FAM186A: variants seen among roughly 807,000 people sequenced by gnomAD.
FAM186A encodes the protein family with sequence similarity 186 member A.
In FAM186A, 163 loss-of-function variants were observed where a neutral mutation model predicts 216.8. That is an observed-to-expected ratio of 0.75 (90% CI 0.66 to 0.86). The LOEUF (loss-of-function observed/expected upper bound fraction) is 0.86, where lower values mean the gene tolerates loss of function less well. Among genes scored for constraint, FAM186A ranks in the 40% least tolerant of loss-of-function variants. FAM186A has a pLI of 0.00. For synonymous variants in FAM186A, 805 were observed against 1,025.3 expected (o/e 0.79, Z 4.10); for missense variants, 2,184 against 2,746.2 (o/e 0.80, Z 4.58).
At position 50,350,508 on chromosome 12, in the gene FAM186A, A is replaced by G. The variant is rs1942864746; in HGVS notation, c.6324T>C (p.Asp2108=). The part of the protein sequence containing the change: ...QELEEKRYFV[D]VEAQKKNLIL... Reference sequence around the variant, plus strand: ...TCAGGTTCTTCTTCTGAGCCTCCACATCAACAAAATACCTCTTTTCTTCAA... The same window carrying G: ...TCAGGTTCTTCTTCTGAGCCTCCACGTCAACAAAATACCTCTTTTCTTCAA... Residue 2108 remains aspartate (D), a synonymous_variant, in exon 4 of 8, where the codon GAT becomes GAC. Transcript: ENST00000327337. 3 of 1,551,644 alleles carry G rather than the reference A, an allele frequency of 1.9e-6. No homozygotes were observed. Among genetic ancestry groups the G allele is most frequent in the Non-Finnish European group, 2.6e-6 (3 of 1,146,984 alleles).
chr12:50,353,723 C>T lies in FAM186A; in HGVS notation c.3109G>A (p.Glu1037Lys). The T allele has an allele frequency of 6.5e-7, 1 of 1,548,002 alleles. No individual in the cohort carries two copies. Among genetic ancestry groups the T allele is most frequent in the East Asian group, 2.4e-5 (1 of 40,922 alleles). The change falls in exon 4 of 8, where the codon GAG becomes AAG. Residue 1037 changes from glutamate to lysine, a missense_variant. Transcript: ENST00000327337. ...KEFQRNLKTL[E>K]NLPDEKEPIS... is the part of the protein sequence containing the mutation. ...GGCTCCTTTTCATCAGGAAGGTTCT[C>T]TAATGTCTTCAGATTCCTCTGAAAC...
chr12:50,361,120 G>C (rs1314795786), intron 2 of FAM186A, among the ~76,000 whole-genome samples, 194 bp from the exon 3 acceptor site: 1 of 152,194 alleles, frequency 6.6e-6, no homozygotes, highest in South Asian at 2.1e-4. Flanking sequence ...AGGCTAAATA[G>C]TAAGTCTTAG....
intron 1 of FAM186A, among the ~76,000 whole-genome samples, chr12:50,386,606 TC>T (rs1477553280): frequency 1.3e-5 from 2 of 152,076 alleles, no homozygotes; most frequent in African/African-American, 4.8e-5. Flanking sequence ...ATGCCTGTAA[TC>T]CCAGCACTTT....
Position 50,351,524 on chromosome 12 carries a change from C to T in FAM186A, c.5308G>A (p.Gly1770Ser), listed in dbSNP as rs1158554517. The change falls in exon 4 of 8, where the codon GGC becomes AGC. Residue 1770 changes from glycine (G) to serine (S), a missense_variant. Transcript: ENST00000327337. Reference protein sequence around the residue: ...LQISRVPLNQGPFAPGKPLEM... With the variant: ...LQISRVPLNQSPFAPGKPLEM... The stretch of plus-strand genomic sequence containing the variant: ...AGGGGCTTCCCAGGGGCAAAGGGGC[C>T]TTGGTTGAGGGGAACCCTTGATATC... 3 of 1,517,338 alleles carry T rather than the reference C, an allele frequency of 2.0e-6. No homozygotes were observed. The highest frequency in any genetic ancestry group is 4.5e-5 in the Admixed American group (2 of 44,666). 94.0% of individuals were successfully genotyped at this position (1,517,338 alleles called of 1,614,324 possible).
chr12:50,388,559 C>T (rs913091341), intron 1 of FAM186A, among the ~76,000 whole-genome samples: 4 of 148,336 alleles, frequency 2.7e-5, no homozygotes, highest in Admixed American at 1.4e-4. Flanking sequence ...GCGGAGGTTG[C>T]GGTGAGCTGA....
At position 50,355,590 on chromosome 12, in the gene FAM186A, A is replaced by G. The variant is rs1484693562; in HGVS notation, c.1242T>C (p.Thr414=). 6.4e-7 allele frequency: 1 copy of G among 1,551,590 alleles called. No individual in the cohort carries two copies. Among genetic ancestry groups the G allele is most frequent in the Non-Finnish European group, 8.7e-7 (1 of 1,146,970 alleles). ...GCTGTCGTAGTTCAGTTAAATCTGGAGTTCTTTCAGCTTGGGCTGTATATG... is the reference window on the plus strand; with the variant it reads ...GCTGTCGTAGTTCAGTTAAATCTGGGGTTCTTTCAGCTTGGGCTGTATATG... ...TISYTAQAER[T]PDLTELRQQP... Residue 414 remains threonine, a synonymous_variant, in exon 4 of 8, where the codon ACT becomes ACC. Coordinates refer to ENST00000327337, the MANE Select transcript of FAM186A (RefSeq NM_001145475.3).
chr12:50,390,077 T>C (rs1347050098), intron 1 of FAM186A, among the ~76,000 whole-genome samples: 1 of 152,152 alleles, frequency 6.6e-6, no homozygotes, highest in Non-Finnish European at 1.5e-5. Context: ...TTTTGGACCT[T>C]GTGAAATAAC....
intron 1 of FAM186A, among the ~76,000 whole-genome samples, chr12:50,376,032 G>C (rs1943194689): frequency 6.6e-6 from 1 of 152,156 alleles, no homozygotes; most frequent in Non-Finnish European, 1.5e-5. Context: ...ATCTCCAGGT[G>C]CTGGCACAAG....
intron 1 of FAM186A, among the ~76,000 whole-genome samples, chr12:50,379,108 C>T (rs766182544): frequency 6.0e-5 from 9 of 151,242 alleles, no homozygotes; most frequent in South Asian, 2.1e-4. Context: ...AGTTTGAGAC[C>T]GGCCTGGCCA....
chr12:50,374,865 A>G (rs557475325), intron 1 of FAM186A, among the ~76,000 whole-genome samples: 121 of 152,350 alleles, frequency 7.9e-4, no homozygotes, highest in Non-Finnish European at 1.4e-3. Flanking sequence ...AAGTTTGTCC[A>G]TGTAAAAACT....
chr12:50,357,508 A>AG, intron 3 of FAM186A, among the ~76,000 whole-genome samples: 1 of 115,870 alleles, frequency 8.6e-6, no homozygotes, highest in East Asian at 2.6e-4. Context: ...CTGAAAAAAA[A>AG]AAAAAAAAAA....
At chr12:50,359,960 G>C (rs1018916311) in intron 3 of FAM186A, among the ~76,000 whole-genome samples, 1 of 152,134 alleles carries the variant, frequency 6.6e-6, no homozygotes, top group African/African-American at 2.4e-5. Flanking sequence ...TTAGATTGTT[G>C]GCCGGGTGCT....
Position 50,354,893 on chromosome 12 carries a change from C to T in FAM186A, c.1939G>A (p.Ala647Thr). ...HQLVKSLSRV[A>T]KETSESTRVL... ...CTGGTAGATTCTGAAGTCTCTTTAG[C>T]CACTCTTGAGAGTGATTTAACAAGT... Residue 647 changes from alanine (A) to threonine (T), a missense_variant, in exon 4 of 8, where the codon GCT (alanine) becomes ACT (threonine). Around this residue, in one of 7 missense-constraint regions of FAM186A, gnomAD observed 1,132 missense variants for 1,263.4 expected, o/e 0.90. Coordinates refer to ENST00000327337, the MANE Select transcript of FAM186A (RefSeq NM_001145475.3). 1 of 1,550,568 alleles carries T rather than the reference C, an allele frequency of 6.4e-7. No individual in the cohort carries two copies. The highest frequency in any genetic ancestry group is 8.7e-7 in the Non-Finnish European group (1 of 1,146,868).
rs1315575208 is a variant in FAM186A at position 50,350,677 on chromosome 12, G to A, written c.6155C>T (p.Thr2052Ile). The A allele has an allele frequency of 1.3e-6, 2 of 1,551,552 alleles. No homozygotes were observed. The highest frequency in any genetic ancestry group is 2.4e-5 in the East Asian group (1 of 40,930). Residue 2052 changes from threonine (T) to isoleucine (I), a missense_variant, in exon 4 of 8, where the codon ACT (threonine) becomes ATT (isoleucine). By Grantham distance (89) the Thr-to-Ile change is moderately conservative. Around this residue, in one of 7 missense-constraint regions of FAM186A, gnomAD observed 721 missense variants for 816.4 expected, o/e 0.88. Transcript: ENST00000327337. Reference sequence around the variant, plus strand: ...TGAAATCTGTGATGTTCTGAGTAGAGTAGTGAGAGAAGATGGTGATGTTGT... The same window carrying A: ...TGAAATCTGTGATGTTCTGAGTAGAATAGTGAGAGAAGATGGTGATGTTGT... ...KPTTSPSSLT[T>I]LLRTSQISPL...
intron 1 of FAM186A, 150 bp from the exon 2 acceptor site, chr12:50,363,514 C>G: frequency 1.4e-6 from 1 of 715,014 alleles, no homozygotes; most frequent in South Asian, 2.3e-5. Flanking sequence ...CTCAAATTTT[C>G]CCTCTTAAAA....
Position 50,360,786 on chromosome 12 carries a change from C to G in FAM186A, c.553G>C (p.Asp185His), listed in dbSNP as rs766660761. The G allele has an allele frequency of 3.2e-6, 5 of 1,539,722 alleles. No individual in the cohort carries two copies. Among genetic ancestry groups the G allele is most frequent in the Non-Finnish European group, 4.4e-6 (5 of 1,143,426 alleles). The part of the protein sequence containing the change: ...ILSRFSTSFL[D>H]EKKKQKKKIL... ...TTTTTCTTTTGTTTCTTCTTTTCGT[C>G]GAGGAAAGATGTACTAAATCTGCTT... Residue 185 changes from aspartate (D) to histidine (H), a missense_variant, in exon 3 of 8, where the codon GAC becomes CAC. By Grantham distance (81) the Asp-to-His change is moderately conservative. Around this residue, in one of 7 missense-constraint regions of FAM186A, gnomAD observed 1,132 missense variants for 1,263.4 expected, o/e 0.90. Coordinates refer to ENST00000327337, the MANE Select transcript of FAM186A (RefSeq NM_001145475.3).
chr12:50,331,046 G>T (rs548359596), intron 6 of FAM186A, among the ~76,000 whole-genome samples: 1 of 151,904 alleles, frequency 6.6e-6, no homozygotes, highest in South Asian at 2.1e-4. Flanking sequence ...CCTTCCCAAA[G>T]CTCCTGCCTC....
chr12:50,386,424 AAAAC>A (rs1362683986), intron 1 of FAM186A, among the ~76,000 whole-genome samples: 2 of 152,142 alleles, frequency 1.3e-5, no homozygotes, highest in East Asian at 1.9e-4. Flanking sequence ...CCTGTCTCAA[AAAAC>A]AAACAAACAA....
chr12:50,391,352 G>C (rs1943355397), intron 1 of FAM186A, among the ~76,000 whole-genome samples: 1 of 150,430 alleles, frequency 6.6e-6, no homozygotes, highest in African/African-American at 2.5e-5. Context: ...GAGTCTCGCT[G>C]TCACCCAGGC....
Sources: gnomAD v4.1 joint callset for allele counts (sites outside exome capture counted in the v4.1 genomes callset) on GRCh38, gnomAD v4.1.1 for gene constraint, gnomAD v4.1.1 regional missense constraint, MANE v1.5 for transcripts, NCBI Gene and HGNC (gene_info 2026-07-23, HGNC 2026-07-21) for gene names.